Variants in CSMD1 observed in about 807,000 individuals in gnomAD.
CSMD1 encodes CUB and Sushi multiple domains 1.
CSMD1 carries 213 observed loss-of-function variants against 417.5 expected under a neutral mutation model. That is an observed-to-expected ratio of 0.51 (90% CI 0.46 to 0.57). The LOEUF is 0.57. CSMD1 is among the 20% of genes least tolerant of loss of function. The pLI is 0.00. For missense variants in CSMD1, 6,923 were observed against 4,529.7 expected (o/e 1.53, Z -15.17); for synonymous variants, 2,862 against 1,736.8 (o/e 1.65, Z -16.11).
At chr8:4,825,627 C>G (rs912664162) in intron 1 of CSMD1, among the ~76,000 whole-genome samples, 1 of 151,814 alleles carries the variant, frequency 6.6e-6, no homozygotes, top group Non-Finnish European at 1.5e-5. Context: ...ACATGTGAGA[C>G]TCCCTCAAAC....
intron 3 of CSMD1, among the ~76,000 whole-genome samples, chr8:4,404,580 T>G (rs1397229233): frequency 1.3e-5 from 2 of 152,160 alleles, no homozygotes; most frequent in African/African-American, 4.8e-5. Flanking sequence ...CTCACTTAAA[T>G]TTTAGCTAGT....
At chr8:3,634,917 C>T (rs1796958052) in intron 7 of CSMD1, among the ~76,000 whole-genome samples, 1 of 152,094 alleles carries the variant, frequency 6.6e-6, no homozygotes, top group Non-Finnish European at 1.5e-5. Flanking sequence ...GCCGCTTGCT[C>T]CTAGGCTACA....
At chr8:4,076,765 T>C (rs1277820975) in intron 3 of CSMD1, among the ~76,000 whole-genome samples, 3 of 152,154 alleles carry the variant, frequency 2.0e-5, no homozygotes, top group Non-Finnish European at 4.4e-5. Flanking sequence ...ACCTCACATT[T>C]CAGGCTCTGA....
At chr8:4,063,698 G>C (rs1161462131) in intron 3 of CSMD1, among the ~76,000 whole-genome samples, 2 of 152,182 alleles carry the variant, frequency 1.3e-5, no homozygotes. Flanking sequence ...GACCAGGCAT[G>C]CTACCTAAGT....
At position 3,287,181 on chromosome 8, in the gene CSMD1, C is replaced by A. The variant is rs538216726; in HGVS notation, c.3951-2835G>T. ...GGGCTCTGTTCTGTTCCATTGGTCT[C>A]TATCTCTGTTTTGGTTACTGTAGCC... On this transcript the variant is annotated intron_variant, in intron 25 of 69. Transcript: ENST00000635120. 1.8e-3 allele frequency among the ~76,000 whole-genome samples: 239 copies of A among 133,226 alleles called. 7 individuals carry two copies. Among genetic ancestry groups the A allele is most frequent in the African/African-American group, 4.6e-3 (165 of 36,030 alleles). The allele number at this position is 133,226 out of a possible 152,430, so 87.4% of individuals were successfully genotyped here.
At chr8:4,339,501 T>C (rs1458142429) in intron 3 of CSMD1, among the ~76,000 whole-genome samples, 1 of 152,138 alleles carries the variant, frequency 6.6e-6, no homozygotes, top group African/African-American at 2.4e-5. Context: ...ACAAAGAGTT[T>C]AAATTTATAA....
At chr8:3,928,380 A>G (rs1035098401) in intron 5 of CSMD1, among the ~76,000 whole-genome samples, 1 of 152,222 alleles carries the variant, frequency 6.6e-6, no homozygotes, top group Non-Finnish European at 1.5e-5. Flanking sequence ...TGCATAAAAA[A>G]ATGTGTAGGT....
At chr8:3,927,546 T>G (rs1157370254) in intron 5 of CSMD1, among the ~76,000 whole-genome samples, 1 of 149,596 alleles carries the variant, frequency 6.7e-6, no homozygotes, top group East Asian at 1.9e-4. Context: ...ATCACTGTAA[T>G]CCCAGCTACT....
At chr8:3,962,211 T>C (rs2740825) in intron 5 of CSMD1, among the ~76,000 whole-genome samples, 73,676 of 151,954 alleles carry the variant, frequency 0.48, 18,873 homozygotes, top group East Asian at 0.79. Context: ...AATGGGATTG[T>C]TTTGCACCTG....
At chr8:3,363,603 C>G (rs1333308251) in intron 20 of CSMD1, among the ~76,000 whole-genome samples, 1 of 152,264 alleles carries the variant, frequency 6.6e-6, no homozygotes, top group African/African-American at 2.4e-5. Context: ...TCTCCGCTCA[C>G]TGCAAGCTCC....
At chr8:4,692,628 A>C (rs1416981749) in intron 1 of CSMD1, among the ~76,000 whole-genome samples, 2 of 152,178 alleles carry the variant, frequency 1.3e-5, no homozygotes, top group African/African-American at 4.8e-5. Flanking sequence ...GGGGTCCGTG[A>C]GGCTGCAGCA....
chr8:3,505,945 A>T (rs780455433), intron 10 of CSMD1, among the ~76,000 whole-genome samples: 28 of 152,244 alleles, frequency 1.8e-4, no homozygotes, highest in Non-Finnish European at 2.8e-4. Context: ...GATCTCCAAA[A>T]AGTTATGTAA....
intron 1 of CSMD1, among the ~76,000 whole-genome samples, chr8:4,656,292 G>A (rs756236952): frequency 6.6e-6 from 1 of 152,072 alleles, no homozygotes; most frequent in Non-Finnish European, 1.5e-5. Context: ...GTGAAGAAAA[G>A]CAGGAGGAAA....
In CSMD1 at chr8:3,741,645, T is replaced by C. The variant is rs191822092; in HGVS notation, c.931+12285A>G. Among the ~76,000 whole-genome samples, 14 of 152,354 alleles carry C rather than the reference T, an allele frequency of 9.2e-5. No homozygotes were observed. The East Asian group carries it at 2.7e-3, about 29-fold the overall frequency. ...GCAGACAGATAACTTCTAGCAAAAC[T>C]GAAAAGTAATAAGGATTTCTAAACT... On this transcript the variant is annotated intron_variant, in intron 6 of 69. Coordinates refer to ENST00000635120, the MANE Select transcript of CSMD1 (RefSeq NM_033225.6).
At chr8:3,385,672 T>G (rs145220971) in intron 18 of CSMD1, among the ~76,000 whole-genome samples, 4 of 152,208 alleles carry the variant, frequency 2.6e-5, no homozygotes, top group African/African-American at 9.6e-5. Flanking sequence ...TCTGTATATT[T>G]ATGAAAGCGA....
At chr8:3,976,841 G>A (rs1019359439) in intron 5 of CSMD1, among the ~76,000 whole-genome samples, 13 of 152,264 alleles carry the variant, frequency 8.5e-5, no homozygotes, top group African/African-American at 2.9e-4. Context: ...CCACTGCACT[G>A]ACCTCAACCA....
At chr8:4,721,000 T>C (rs978605609) in intron 1 of CSMD1, among the ~76,000 whole-genome samples, 1 of 152,156 alleles carries the variant, frequency 6.6e-6, no homozygotes, top group East Asian at 1.9e-4. Flanking sequence ...TTGAATGGAA[T>C]TTAAATAAAC....
At chr8:3,472,178 C>A (rs1197099134) in intron 11 of CSMD1, among the ~76,000 whole-genome samples, 1 of 152,062 alleles carries the variant, frequency 6.6e-6, no homozygotes, top group Non-Finnish European at 1.5e-5. Context: ...AACCCAATAA[C>A]TTTTCTCTCC....
At chr8:4,869,337 T>C (rs967442239) in intron 1 of CSMD1, among the ~76,000 whole-genome samples, 10 of 152,046 alleles carry the variant, frequency 6.6e-5, no homozygotes, top group African/African-American at 2.4e-4. Flanking sequence ...GTAGGGAAAC[T>C]GGATCTCTTT....
Sources: gnomAD v4.1 joint callset for allele counts (sites outside exome capture counted in the v4.1 genomes callset) on GRCh38, gnomAD v4.1.1 for gene constraint, MANE v1.5 for transcripts, NCBI Gene and HGNC (gene_info 2026-07-23, HGNC 2026-07-21) for gene names.